The following ADAM18 variants were observed in gnomAD, a reference collection of about 807,000 sequenced individuals.
The protein encoded by ADAM18 is ADAM metallopeptidase domain 18.
In ADAM18, 117 loss-of-function variants were observed where a neutral mutation model predicts 94.4. That is an observed-to-expected ratio of 1.24 (90% CI 1.07 to 1.45). The LOEUF (loss-of-function observed/expected upper bound fraction) is 1.45, where lower values mean the gene tolerates loss of function less well. Among genes scored for constraint, ADAM18 ranks in the 40% most tolerant of loss-of-function variants. The probability of loss-of-function intolerance (pLI) is 0.00; values close to 1 mark genes in which losing one functional copy is unlikely to be tolerated. For missense variants in ADAM18, 936 were observed against 880.0 expected (o/e 1.06, Z -0.81); for synonymous variants, 327 against 291.6 (o/e 1.12, Z -1.24).
rs1820102564 is a variant in ADAM18 at position 39,637,180 on chromosome 8, A to G, written c.589-84A>G. On this transcript the variant is annotated intron_variant, in intron 7 of 19. Coordinates refer to ENST00000265707, the MANE Select transcript of ADAM18 (RefSeq NM_014237.3). ...TTTAAAACAGCTCTAGATTACTTAT[A>G]ATATCTAATACAATGCCTAAATATC... 11 of 1,050,790 alleles carry G rather than the reference A, an allele frequency of 1.0e-5. No homozygotes were observed. In the South Asian group the frequency reaches 1.9e-4, roughly 18 times the overall value. The allele number at this position is 1,050,790 out of a possible 1,614,324, so 65.1% of individuals were successfully genotyped here.
intron 16 of ADAM18, among the ~76,000 whole-genome samples, chr8:39,692,128 G>T (rs1036860091): frequency 2.0e-5 from 3 of 151,674 alleles, no homozygotes; most frequent in Non-Finnish European, 3.0e-5. Flanking sequence ...AATAAATATT[G>T]TTCTTGCCAT....
chr8:39,602,023 A>G (rs1818920560), intron 2 of ADAM18, among the ~76,000 whole-genome samples: 1 of 152,140 alleles, frequency 6.6e-6, no homozygotes, highest in Non-Finnish European at 1.5e-5. Flanking sequence ...AATGCTGCAT[A>G]ATAATCTGTT....
chr8:39,699,267 A>G (rs984157781), intron 17 of ADAM18, among the ~76,000 whole-genome samples: 1 of 152,102 alleles, frequency 6.6e-6, no homozygotes, highest in African/African-American at 2.4e-5. Context: ...TCTAAAGTTT[A>G]ATAATGTACA....
chr8:39,672,738 T>TA (rs900216906), intron 14 of ADAM18, among the ~76,000 whole-genome samples: 1 of 152,198 alleles, frequency 6.6e-6, no homozygotes, highest in African/African-American at 2.4e-5. Flanking sequence ...CATATGGACT[T>TA]ACAACCATTT....
At chr8:39,693,834 A>T (rs1290235172) in intron 17 of ADAM18, among the ~76,000 whole-genome samples, 3 of 151,318 alleles carry the variant, frequency 2.0e-5, no homozygotes, top group African/African-American at 7.2e-5. Context: ...AAAAATAATT[A>T]TAAGTAATAG....
At chr8:39,727,260 A>G (rs890543585) in intron 19 of ADAM18, among the ~76,000 whole-genome samples, 1 of 152,126 alleles carries the variant, frequency 6.6e-6, no homozygotes, top group Non-Finnish European at 1.5e-5. Context: ...AGTTATGTTA[A>G]TATCTCTAGC....
At chr8:39,690,817 A>C (rs182032178) in intron 16 of ADAM18, among the ~76,000 whole-genome samples, 67 of 152,290 alleles carry the variant, frequency 4.4e-4, no homozygotes, top group African/African-American at 1.6e-3. Context: ...AAAGAACTTA[A>C]AACAATTACC....
intron 10 of ADAM18, among the ~76,000 whole-genome samples, chr8:39,641,288 C>T (rs373645371): frequency 1.4e-4 from 21 of 151,704 alleles, no homozygotes; most frequent in African/African-American, 3.6e-4. Context: ...TGTTTTTGTT[C>T]GATCAGACAG....
intron 2 of ADAM18, among the ~76,000 whole-genome samples, chr8:39,586,755 ACTATCTATCTATCTATCTATCTATCTAT>A (rs35604090): frequency 1.4e-5 from 2 of 147,430 alleles, no homozygotes; most frequent in Non-Finnish European, 3.0e-5. Flanking sequence ...CAAACAAAAA[ACTATCTATCTATCTATCTATCTATCTAT>A]CTATCTATCT....
chr8:39,668,038 C>A lies in ADAM18; in HGVS notation c.1367C>A (p.Pro456Gln). ...AGTPCRKSIDPECDFTEYCNG... is the reference protein window; with the variant it reads ...AGTPCRKSIDQECDFTEYCNG... ...ACTCCATGTAGAAAGAGTATTGATC[C>A]AGAGTGTGATTTTACAGAGTACTGC... is the stretch of plus-strand genomic sequence containing the variant. Residue 456 changes from proline (P) to glutamine (Q), a missense_variant, in exon 14 of 20, where the codon CCA becomes CAA. By Grantham distance (76) the Pro-to-Gln change is moderately conservative. Transcript: ENST00000265707. 7 of 1,613,988 alleles carry A rather than the reference C, an allele frequency of 4.3e-6. No individual in the cohort carries two copies. The South Asian group carries it at 7.7e-5, about 18-fold the overall frequency.
At position 39,674,278 on chromosome 8, in the gene ADAM18, AAG is replaced by A. The variant is rs538435299; in HGVS notation, c.1526-3152_1526-3151del. Among the ~76,000 whole-genome samples the A allele has an allele frequency of 5.4e-3, 827 of 152,246 alleles. 7 individuals are homozygous for A. Among genetic ancestry groups the A allele is most frequent in the African/African-American group, 0.019 (782 of 41,540 alleles). ...AGTCTAAGTCTCTTTGTAGGTCTCT[AAG>A]GACTTGGTTTATGAATCTGGGTGCT... is the stretch of plus-strand genomic sequence containing the variant. On this transcript the variant is annotated intron_variant, in intron 14 of 19. Transcript: ENST00000265707.
chr8:39,707,955 C>A (rs1162221812), intron 18 of ADAM18, among the ~76,000 whole-genome samples: 2 of 152,200 alleles, frequency 1.3e-5, no homozygotes, highest in East Asian at 1.9e-4. Flanking sequence ...GTGATTTGAA[C>A]AAAGCACTGT....
intron 10 of ADAM18, among the ~76,000 whole-genome samples, chr8:39,639,055 T>C (rs1263956453): frequency 6.6e-6 from 1 of 151,972 alleles, no homozygotes; most frequent in Non-Finnish European, 1.5e-5. Context: ...TTAGAAAATT[T>C]CTTCTTTGTA....
At chr8:39,728,777 T>A (rs1019122772) in intron 19 of ADAM18, among the ~76,000 whole-genome samples, 2 of 152,206 alleles carry the variant, frequency 1.3e-5, no homozygotes, top group African/African-American at 2.4e-5. Flanking sequence ...TTATTTTGTT[T>A]CCTTCTACAA....
intron 9 of ADAM18, 44 bp downstream of exon 9, chr8:39,637,747 T>G (rs759511494): frequency 1.4e-6 from 2 of 1,438,058 alleles, no homozygotes; most frequent in African/African-American, 2.9e-5. Flanking sequence ...TGCATAATTA[T>G]TTTAAATTGG....
rs144656450 is a variant in ADAM18 at position 39,652,863 on chromosome 8, A to G, written c.1230+4336A>G. On this transcript the variant is annotated intron_variant, in intron 12 of 19. Transcript: ENST00000265707. ...TATTCAGACTTTTTTAAAAGAAAAA[A>G]TTCCTGTAGTTGGTGACAACATGGA... Among the ~76,000 whole-genome samples, 1,200 of 152,288 alleles carry G rather than the reference A, an allele frequency of 7.9e-3. 16 individuals are homozygous for G. The highest frequency in any genetic ancestry group is 0.027 in the African/African-American group (1,136 of 41,568).
chr8:39,714,972 C>G (rs988612681), intron 18 of ADAM18, among the ~76,000 whole-genome samples: 65 of 151,994 alleles, frequency 4.3e-4, no homozygotes, highest in African/African-American at 1.5e-3. Context: ...CATGATCAGT[C>G]AACTTGATCT....
chr8:39,616,483 C>G (rs567126671), intron 6 of ADAM18, among the ~76,000 whole-genome samples: 5 of 152,102 alleles, frequency 3.3e-5, no homozygotes, highest in Non-Finnish European at 7.4e-5. Flanking sequence ...TCCTATCAAA[C>G]AACCAACAAC....
At chr8:39,638,442 A>G in intron 9 of ADAM18, 23 bp from the exon 10 acceptor site, 1 of 1,474,658 alleles carries the variant, frequency 6.8e-7, no homozygotes, top group Non-Finnish European at 9.2e-7. Context: ...TAACTACGTT[A>G]ATAAAAAATT....
Sources: allele counts gnomAD v4.1 joint callset (sites outside exome capture counted in the v4.1 genomes callset), GRCh38; gene constraint gnomAD v4.1.1; transcripts MANE v1.5; gene names NCBI Gene and HGNC (gene_info 2026-07-23, HGNC 2026-07-21).